ABR: variants seen among roughly 807,000 people sequenced by gnomAD.
The protein encoded by ABR is active breakpoint cluster region-related protein.
In ABR, 35 loss-of-function variants were observed where a neutral mutation model predicts 107.2. The ratio of observed to expected loss-of-function variants is 0.33; its 90% CI spans 0.25 to 0.43. The LOEUF is 0.43. Among genes scored for constraint, ABR ranks in the 20% least tolerant of loss-of-function variants. The probability of loss-of-function intolerance (pLI) is 1.00; values close to 1 mark genes in which losing one functional copy is unlikely to be tolerated. For synonymous variants in ABR, 498 were observed against 462.0 expected (o/e 1.08, Z -1.00); for missense variants, 815 against 1,115.2 (o/e 0.73, Z 3.83).
At chr17:1,211,663 C>T (rs1027121565) in intron 1 of ABR, among the ~76,000 whole-genome samples, 1 of 152,184 alleles carries the variant, frequency 6.6e-6, no homozygotes, top group Non-Finnish European at 1.5e-5. Context: ...TAAATCCTCA[C>T]AGCTAGTAAG....
rs1477099958 is a variant in ABR at position 1,129,838 on chromosome 17, T to C, written c.62-4471A>G. Among the ~76,000 whole-genome samples the C allele has an allele frequency of 5.9e-5, 9 of 152,148 alleles. No homozygotes were observed. The South Asian group carries it at 1.5e-3, about 25-fold the overall frequency. On this transcript the variant is annotated intron_variant, in intron 1 of 22. Transcript: ENST00000302538. ...GGCGGGTGCCTGTAATCCCAGCAAC[T>C]TGGGAGGCTGAGGCAGGAGAACTGC...
chr17:1,094,686 C>T (rs2037282672), intron 3 of ABR, among the ~76,000 whole-genome samples: 1 of 152,106 alleles, frequency 6.6e-6, no homozygotes, highest in African/African-American at 2.4e-5. Flanking sequence ...CCTTTATAAT[C>T]CAGTTGGGCA....
At chr17:1,008,704 G>T (rs1043299880) in intron 21 of ABR, among the ~76,000 whole-genome samples, 2 of 152,254 alleles carry the variant, frequency 1.3e-5, no homozygotes, top group Admixed American at 1.3e-4. Context: ...GCAGCGGGGG[G>T]CCTGGCCCTG....
intron 18 of ABR, 42 bp from the exon 19 acceptor site, chr17:1,012,027 A>G: frequency 1.9e-6 from 3 of 1,608,100 alleles, no homozygotes; most frequent in Non-Finnish European, 2.5e-6. Flanking sequence ...AGCCCCCACG[A>G]CAGCTCTCCC....
intron 1 of ABR, among the ~76,000 whole-genome samples, chr17:1,158,517 C>T (rs1377079400): frequency 6.6e-6 from 1 of 151,896 alleles, no homozygotes; most frequent in African/African-American, 2.4e-5. Context: ...AATCCCAGCA[C>T]TTTGGGAGGC....
At chr17:1,204,895 CTT>C (rs1279205764) in intron 1 of ABR, among the ~76,000 whole-genome samples, 13 of 70,328 alleles carry the variant, frequency 1.8e-4, no homozygotes, top group East Asian at 1.2e-3. Context: ...TTTTCTTTTT[CTT>C]TTTCTTTTTT....
rs1308799246 is a variant in ABR, at chr17:1,012,805, G to A, written c.1852-8C>T. The A allele has an allele frequency of 1.9e-6, 3 of 1,567,678 alleles. No homozygotes were observed. Among genetic ancestry groups the A allele is most frequent in the Non-Finnish European group, 2.6e-6 (3 of 1,153,734 alleles). ...GGAAAATTCCACTTTGATCTGGTTGGGGGGTGAGGCAGGTAAAGATTCCCC... is the reference window on the plus strand; with the variant it reads ...GGAAAATTCCACTTTGATCTGGTTGAGGGGTGAGGCAGGTAAAGATTCCCC... On this transcript the variant is annotated splice_polypyrimidine_tract_variant and splice_region_variant and intron_variant, in intron 17 of 22. Transcript: ENST00000302538.
At chr17:1,202,594 C>G (rs753793788) in intron 1 of ABR, among the ~76,000 whole-genome samples, 2 of 152,166 alleles carry the variant, frequency 1.3e-5, no homozygotes, top group African/African-American at 4.8e-5. Context: ...GCCCCAGCTG[C>G]CCCCTTTTCA....
rs1329957720 is a variant in ABR, at chr17:1,070,116, C to A, written c.895-26G>T. On this transcript the variant is annotated intron_variant, in intron 8 of 22. Coordinates refer to ENST00000302538, the MANE Select transcript of ABR (RefSeq NM_021962.5). This position sits in a 1 kb window ranked among gnomAD's most constrained non-coding sequence, Gnocchi z 4.2. Reference sequence around the variant, plus strand: ...CTGAGGGAGATGGCAGACCCCCCAGCCTGCTCAGAGGGGAATGCGGCCGAG... The same window carrying A: ...CTGAGGGAGATGGCAGACCCCCCAGACTGCTCAGAGGGGAATGCGGCCGAG... 2.5e-6 allele frequency: 4 copies of A among 1,612,670 alleles called. No individual in the cohort carries two copies. Among genetic ancestry groups the A allele is most frequent in the Non-Finnish European group, 2.5e-6 (3 of 1,179,534 alleles).
rs148390441 is a variant in ABR, at chr17:1,102,185, C to T, written c.247-1450G>A. On this transcript the variant is annotated intron_variant, in intron 2 of 22. Transcript: ENST00000302538. Reference sequence around the variant, plus strand: ...AGGACATCGCTCAGTCTCCCCCACACGCAGGAGAACCAGCCTCCTCATCTT... The same window carrying T: ...AGGACATCGCTCAGTCTCCCCCACATGCAGGAGAACCAGCCTCCTCATCTT... Among the ~76,000 whole-genome samples, 584 of 152,284 alleles carry T rather than the reference C, an allele frequency of 3.8e-3. 1 individual carries two copies. The highest frequency in any genetic ancestry group is 6.9e-3 in the African/African-American group (285 of 41,536).
chr17:1,076,625 GTTA>G (rs2035731887), intron 6 of ABR, among the ~76,000 whole-genome samples: 1 of 150,624 alleles, frequency 6.6e-6, no homozygotes, highest in South Asian at 2.1e-4. Context: ...TTTCAGAGGG[GTTA>G]TTAACATGTC....
intron 21 of ABR, among the ~76,000 whole-genome samples, chr17:1,008,997 G>A (rs2070293689): frequency 6.6e-6 from 1 of 152,190 alleles, no homozygotes; most frequent in Non-Finnish European, 1.5e-5. Context: ...CGCCTGGTGT[G>A]GGGACTCAGT....
chr17:1,116,796 C>T (rs1357167714), intron 2 of ABR, among the ~76,000 whole-genome samples: 1 of 152,214 alleles, frequency 6.6e-6, no homozygotes, highest in Non-Finnish European at 1.5e-5. Context: ...GCTCCTAGCA[C>T]AGCACCTGGC....
intron 2 of ABR, among the ~76,000 whole-genome samples, chr17:1,122,015 G>A (rs957200943): frequency 2.0e-5 from 3 of 152,130 alleles, no homozygotes; most frequent in Admixed American, 6.5e-5. Context: ...TGATTCTCCC[G>A]CCTCAGCCTC....
At chr17:1,153,403 G>C (rs1370414822) in intron 1 of ABR, among the ~76,000 whole-genome samples, 2 of 148,340 alleles carry the variant, frequency 1.3e-5, no homozygotes, top group African/African-American at 4.9e-5. Flanking sequence ...GCACACCTGC[G>C]GGAGGGCTGG....
Position 1,011,803 on chromosome 17 carries a change from C to A in ABR, c.2101+43G>T. The A allele has an allele frequency of 6.5e-7, 1 of 1,536,124 alleles. No homozygotes were observed. The highest frequency in any genetic ancestry group is 1.2e-5 in the South Asian group (1 of 80,264). On this transcript the variant is annotated intron_variant, in intron 19 of 22. Transcript: ENST00000302538. The surrounding 1 kb of genome is among the most constrained non-coding windows in gnomAD (Gnocchi z 4.8). ...CTCCTGTCCATCCCACCAGCCTGCT[C>A]AGACACAGCCACACCTGCCCCGGCT...
intron 11 of ABR, 50 bp from the exon 12 acceptor site, chr17:1,058,095 G>A (rs771831681): frequency 3.4e-5 from 47 of 1,371,710 alleles, no homozygotes; most frequent in South Asian, 8.2e-5. Context: ...CAGGCAAAGC[G>A]TACTCCCAGA....
rs565313559 is a variant in ABR at position 1,124,874 on chromosome 17, C to G, written c.246+309G>C. 1.6e-3 allele frequency among the ~76,000 whole-genome samples: 237 copies of G among 152,234 alleles called. 2 individuals carry two copies. The highest frequency in any genetic ancestry group is 5.5e-3 in the African/African-American group (229 of 41,542). The stretch of plus-strand genomic sequence containing the variant: ...AGGAGAGCCTGGTCCTCTCCTGGGT[C>G]CTCTGGAGGAGACAGGCTAACAGGG... On this transcript the variant is annotated intron_variant, in intron 2 of 22. Coordinates refer to ENST00000302538, the MANE Select transcript of ABR (RefSeq NM_021962.5).
Position 1,195,304 on chromosome 17 carries a change from C to CA in ABR, c.838+33488dup, listed in dbSNP as rs564020208. ...CCTGGGCGACAGAATGAGACTGTCT[C>CA]AAAAAAAAAAAAAAGTCCTGGCCTC... is the stretch of plus-strand genomic sequence containing the variant. On this transcript the variant is annotated intron_variant, in intron 1 of 22. Transcript: ENST00000574139. 4.3e-3 allele frequency among the ~76,000 whole-genome samples: 375 copies of CA among 87,606 alleles called. 39 individuals are homozygous for CA. In the East Asian group the frequency reaches 0.13, roughly 29 times the overall value. The allele number at this position is 87,606 out of a possible 152,430, so 57.5% of individuals were successfully genotyped here.
Sources: gnomAD v4.1 joint callset for allele counts (sites outside exome capture counted in the v4.1 genomes callset) on GRCh38, gnomAD v4.1.1 for gene constraint, Gnocchi (gnomAD v3.1) non-coding constraint, MANE v1.5 for transcripts, NCBI Gene and HGNC (gene_info 2026-07-23, HGNC 2026-07-21) for gene names.